The following IRAK1BP1 variants were observed in gnomAD, a reference collection of about 807,000 sequenced individuals.
The protein encoded by IRAK1BP1 is interleukin-1 receptor-associated kinase 1-binding protein 1.
A neutral mutation model predicts 28.0 loss-of-function variants in IRAK1BP1; 24 were observed. The ratio of observed to expected loss-of-function variants is 0.86; its 90% CI spans 0.62 to 1.20. The LOEUF (loss-of-function observed/expected upper bound fraction) is 1.20, where lower values mean the gene tolerates loss of function less well. Among genes scored for constraint, IRAK1BP1 ranks in the 50% most tolerant of loss-of-function variants. IRAK1BP1 has a pLI of 0.00. For synonymous variants in IRAK1BP1, 131 were observed against 116.3 expected, an observed-to-expected ratio of 1.13 and a Z score of -0.81; for missense variants, 336 against 316.7, an observed-to-expected ratio of 1.06 and a Z score of -0.46.
rs539949843 is a variant in IRAK1BP1 at position 78,898,288 on chromosome 6, T to C, written c.737T>C (p.Ile246Thr). 4.4e-6 allele frequency: 7 copies of C among 1,606,578 alleles called. No individual in the cohort carries two copies. The highest frequency in any genetic ancestry group is 6.0e-6 in the Non-Finnish European group (7 of 1,175,538). ...ATIHAASKVF[I>T]TFEVKGKEKR... ...ATACATGCTGCTTCAAAAGTATTTA[T>C]AACTTTTGAGGTAAAGGGAAAAGAG... The change falls in exon 4 of 4, where the codon ATA (isoleucine) becomes ACA (threonine). Residue 246 changes from isoleucine (I) to threonine (T), a missense_variant. By Grantham distance (89) the Ile-to-Thr change is moderately conservative. Transcript: ENST00000369940.
At chr6:78,921,675 A>T (rs1772733427) in intron 4 of IRAK1BP1, among the ~76,000 whole-genome samples, 1 of 152,196 alleles carries the variant, frequency 6.6e-6, no homozygotes. Context: ...GGCATCCCCC[A>T]GTAGGGGCAG....
At chr6:78,892,978 G>C (rs990064771) in intron 2 of IRAK1BP1, among the ~76,000 whole-genome samples, 1 of 151,560 alleles carries the variant, frequency 6.6e-6, no homozygotes, top group Non-Finnish European at 1.5e-5. Context: ...GAAAGTGGGG[G>C]ACAAGAAAAA....
chr6:78,925,108 G>A (rs1425965427), intron 4 of IRAK1BP1, among the ~76,000 whole-genome samples: 1 of 150,534 alleles, frequency 6.6e-6, no homozygotes, highest in Non-Finnish European at 1.5e-5. Context: ...TCATAGGTGG[G>A]AATTGAACAA....
chr6:78,927,742 T>C (rs564162143), intron 4 of IRAK1BP1, among the ~76,000 whole-genome samples: 19 of 152,320 alleles, frequency 1.2e-4, no homozygotes, highest in African/African-American at 4.3e-4. Context: ...AGTTTCATTC[T>C]TCTGCATATG....
Position 78,903,027 on chromosome 6 carries a change from CA to C in IRAK1BP1, c.*4695del, listed in dbSNP as rs35533616. Reference sequence around the variant, plus strand: ...AATCCTTCTTCAACATCCCAACCAACAATTACTCCCAGATAGCCATGTCACC... The same window carrying C: ...AATCCTTCTTCAACATCCCAACCAACATTACTCCCAGATAGCCATGTCACC... On this transcript the variant is annotated 3_prime_UTR_variant, in exon 4 of 4. Coordinates refer to ENST00000369940, the MANE Select transcript of IRAK1BP1 (RefSeq NM_001010844.4). 316,459 of 1,529,928 alleles carry C rather than the reference CA, an allele frequency of 0.21. 34,132 individuals are homozygous for C. The highest frequency in any genetic ancestry group is 0.27 in the Admixed American group (13,816 of 50,856). The allele number at this position is 1,529,928 out of a possible 1,614,324, so 94.8% of individuals were successfully genotyped here.
intron 4 of IRAK1BP1, among the ~76,000 whole-genome samples, chr6:78,934,101 G>A (rs1477641652): frequency 1.3e-5 from 2 of 152,140 alleles, no homozygotes; most frequent in African/African-American, 4.8e-5. Context: ...GTGTCTGAGG[G>A]AATAGAAGTC....
intron 2 of IRAK1BP1, among the ~76,000 whole-genome samples, chr6:78,889,289 G>A (rs74502949): frequency 3.4e-4 from 52 of 152,072 alleles, no homozygotes; most frequent in African/African-American, 1.2e-3. Flanking sequence ...ATGGGTTAAA[G>A]ACTTAAGTGT....
At chr6:78,964,695 G>A in the IRAK1BP1 span, among the ~76,000 whole-genome samples, 3 of 152,174 alleles carry the variant, frequency 2.0e-5, no homozygotes, top group Admixed American at 2.0e-4. Flanking sequence ...GTTTCACCAT[G>A]TTGGTCAGGC....
chr6:78,870,327 A>G (rs1020848846), intron 1 of IRAK1BP1, among the ~76,000 whole-genome samples: 4 of 151,966 alleles, frequency 2.6e-5, no homozygotes, highest in African/African-American at 7.3e-5. Flanking sequence ...AATCCCTGCC[A>G]TGCAACACTT....
chr6:78,959,486 A>G, the IRAK1BP1 span, among the ~76,000 whole-genome samples: 16 of 152,142 alleles, frequency 1.1e-4, no homozygotes, highest in Admixed American at 1.0e-3. Context: ...GCAAACTGAC[A>G]GTAATAGTTT....
At chr6:78,951,655 C>T in the IRAK1BP1 span, among the ~76,000 whole-genome samples, 1 of 152,126 alleles carries the variant, frequency 6.6e-6, no homozygotes, top group Non-Finnish European at 1.5e-5. Flanking sequence ...TTGCCTAACA[C>T]GTTTAGCTGG....
In IRAK1BP1 at chr6:78,946,415, G is replaced by A. The variant is rs1773820984; in HGVS notation, c.*1075G>A. The A allele has an allele frequency of 2.1e-6, 3 of 1,400,226 alleles. No individual in the cohort carries two copies. The South Asian group carries it at 4.8e-5, about 22-fold the overall frequency. The allele number at this position is 1,400,226 out of a possible 1,614,324, so 86.7% of individuals were successfully genotyped here. Reference sequence around the variant, plus strand: ...TTCATATGATTGTGAGCCTTTGAAAGTGAATATTTAGTGAAGGATCGCTGT... The same window carrying A: ...TTCATATGATTGTGAGCCTTTGAAAATGAATATTTAGTGAAGGATCGCTGT... On this transcript the variant is annotated 3_prime_UTR_variant and NMD_transcript_variant, in exon 5 of 5. Coordinates refer to the IRAK1BP1 transcript ENST00000606868.
Position 78,927,266 on chromosome 6 carries a change from C to T in IRAK1BP1, c.*68-18142C>T, listed in dbSNP as rs142715932. Among the ~76,000 whole-genome samples, 99 of 152,160 alleles carry T rather than the reference C, an allele frequency of 6.5e-4. 1 individual carries two copies. The South Asian group carries it at 8.1e-3, about 12-fold the overall frequency. On this transcript the variant is annotated intron_variant and NMD_transcript_variant, in intron 4 of 4. Coordinates refer to the IRAK1BP1 transcript ENST00000606868. ...TAACTGGGGTGAGATGATATCCCAT[C>T]GTAGTTTTGATTTGCATTTCTCTGT... is the stretch of plus-strand genomic sequence containing the variant.
At chr6:78,976,256 G>C in the IRAK1BP1 span, among the ~76,000 whole-genome samples, 3 of 147,024 alleles carry the variant, frequency 2.0e-5, no homozygotes, top group East Asian at 2.1e-4. Flanking sequence ...ACAAACCTGA[G>C]AAAAACAAGC....
the IRAK1BP1 span, chr6:78,961,867 A>C: frequency 1.3e-5 from 18 of 1,344,472 alleles, no homozygotes; most frequent in East Asian, 2.5e-5. Flanking sequence ...ATAATTCAAG[A>C]AGAATTCTGC....
At chr6:78,941,169 T>G (rs764221293) in intron 4 of IRAK1BP1, 2 of 1,614,140 alleles carry the variant, frequency 1.2e-6, no homozygotes, top group East Asian at 4.5e-5. Flanking sequence ...TGTAGCTTTT[T>G]GGGCTTTCTA....
At chr6:78,977,716 C>T in the IRAK1BP1 span, among the ~76,000 whole-genome samples, 1 of 152,160 alleles carries the variant, frequency 6.6e-6, no homozygotes, top group Non-Finnish European at 1.5e-5. Flanking sequence ...CTTAATGCTA[C>T]AGGATGTTAA....
chr6:78,978,662 C>G, the IRAK1BP1 span: 1 of 1,596,248 alleles, frequency 6.3e-7, no homozygotes, highest in Non-Finnish European at 8.6e-7. Context: ...TGATGGCAAC[C>G]ATTCTTCTAA....
chr6:78,870,024 G>A (rs1368792408), intron 1 of IRAK1BP1, among the ~76,000 whole-genome samples: 4 of 137,202 alleles, frequency 2.9e-5, no homozygotes, highest in Admixed American at 8.5e-5. Context: ...CAGGAGAATT[G>A]CTTGAACCCA....
Sources: allele counts gnomAD v4.1 joint callset (sites outside exome capture counted in the v4.1 genomes callset), GRCh38; gene constraint gnomAD v4.1.1; transcripts MANE v1.5; gene names NCBI Gene and HGNC (gene_info 2026-07-23, HGNC 2026-07-21).